The following ABCC4 variants were observed in gnomAD, a reference collection of about 807,000 sequenced individuals.
The protein encoded by ABCC4 is ATP-binding cassette sub-family C member 4.
Under a neutral mutation model 168.5 loss-of-function variants are expected in ABCC4, and 102 were observed. The ratio of observed to expected loss-of-function variants is 0.61; its 90% CI spans 0.52 to 0.71. ABCC4 has a LOEUF of 0.71. Among genes scored for constraint, ABCC4 ranks in the 30% least tolerant of loss-of-function variants. The probability of loss-of-function intolerance (pLI) is 0.00; values close to 1 mark genes in which losing one functional copy is unlikely to be tolerated. For synonymous variants in ABCC4, 617 were observed against 590.7 expected (o/e 1.04, Z -0.65); for missense variants, 1,402 against 1,605.8 (o/e 0.87, Z 2.17).
At chr13:95,078,429 A>G (rs117143429) in intron 21 of ABCC4, among the ~76,000 whole-genome samples, 1 of 22,636 alleles carries the variant, frequency 4.4e-5, no homozygotes, top group African/African-American at 7.1e-5. Context: ...ACAAAAACAA[A>G]AGCAAGAAAA....
intron 20 of ABCC4, among the ~76,000 whole-genome samples, chr13:95,092,187 A>G (rs1389686755): frequency 1.3e-5 from 2 of 152,190 alleles, no homozygotes; most frequent in Admixed American, 6.5e-5. Context: ...ATTAAGAAAT[A>G]AGAGAGACAG....
At chr13:95,163,685 T>C in intron 16 of ABCC4, 38 bp from the exon 17 acceptor site, 1 of 1,572,300 alleles carries the variant, frequency 6.4e-7, no homozygotes, top group Non-Finnish European at 8.7e-7. Context: ...AAATCAAACT[T>C]GGGCATGACT....
chr13:95,104,255 A>C (rs2034918715), intron 20 of ABCC4, among the ~76,000 whole-genome samples: 1 of 152,132 alleles, frequency 6.6e-6, no homozygotes, highest in South Asian at 2.1e-4. Context: ...CTGGGATTAC[A>C]GGTGTGCACC....
chr13:95,027,851 T>C (rs2031624509), intron 30 of ABCC4, among the ~76,000 whole-genome samples: 1 of 152,122 alleles, frequency 6.6e-6, no homozygotes, highest in African/African-American at 2.4e-5. Context: ...ATAATCTCAA[T>C]AAATGTAAAT....
At position 95,167,928 on chromosome 13, in the gene ABCC4, G is replaced by A. The variant is rs145270201; in HGVS notation, c.1825-1561C>T. Among the ~76,000 whole-genome samples the A allele has an allele frequency of 8.1e-4, 123 of 152,174 alleles. 4 individuals are homozygous for A. The East Asian group carries it at 0.022, about 27-fold the overall frequency. ...GTTGCCCAGGCTGGAGTGCAATGGC[G>A]CGATCTCGGCTCACTGCAACCTTCG... On this transcript the variant is annotated intron_variant, in intron 14 of 30. Coordinates refer to ENST00000645237, the MANE Select transcript of ABCC4 (RefSeq NM_005845.5).
At chr13:95,090,193 G>A (rs942677926) in intron 20 of ABCC4, among the ~76,000 whole-genome samples, 1 of 152,146 alleles carries the variant, frequency 6.6e-6, no homozygotes, top group African/African-American at 2.4e-5. Context: ...CACTGTGGTA[G>A]TGGAAGACAA....
intron 25 of ABCC4, among the ~76,000 whole-genome samples, chr13:95,064,244 G>A (rs913162017): frequency 1.4e-3 from 9 of 6,564 alleles, no homozygotes; most frequent in Admixed American, 4.1e-3. Flanking sequence ...AGGTACATCC[G>A]GGTGTGTGTG....
intron 8 of ABCC4, among the ~76,000 whole-genome samples, chr13:95,205,143 G>A (rs952904820): frequency 6.6e-6 from 1 of 152,196 alleles, no homozygotes; most frequent in African/African-American, 2.4e-5. Context: ...ATGGGGATAA[G>A]AAATGACCCT....
At chr13:95,219,426 G>C (rs1298693678) in intron 4 of ABCC4, among the ~76,000 whole-genome samples, 1 of 152,156 alleles carries the variant, frequency 6.6e-6, no homozygotes, top group East Asian at 1.9e-4. Flanking sequence ...CATGGTCTAG[G>C]GTTAGGTCAG....
chr13:95,297,116 T>C (rs1422295710), intron 1 of ABCC4, among the ~76,000 whole-genome samples: 1 of 151,240 alleles, frequency 6.6e-6, no homozygotes, highest in African/African-American at 2.4e-5. Flanking sequence ...ACTAAAAACA[T>C]GAAAATTAGC....
Position 95,257,709 on chromosome 13 carries a change from A to C in ABCC4, c.75-9956T>G, listed in dbSNP as rs146233454. On this transcript the variant is annotated intron_variant, in intron 1 of 30. Transcript: ENST00000645237. ...GAAAAAAAAAGAAAATCTGCACATA[A>C]GTGGACTCTTGCAGTTCAAACCCTT... 1.7e-3 allele frequency among the ~76,000 whole-genome samples: 264 copies of C among 152,206 alleles called. 1 individual carries two copies. Among genetic ancestry groups the C allele is most frequent in the African/African-American group, 6.1e-3 (252 of 41,550 alleles).
chr13:95,207,805 C>T lies in ABCC4; in HGVS notation c.906G>A (p.Leu302=), dbSNP rs533544221. The part of the protein sequence containing the change: ...EKSFSNLITN[L]RKKEISKILR... ...CAATGTATACAAAAACTTACTTTCT[C>T]AAATTGGTAATAAGATTTGAAAATG... Residue 302 remains leucine, a synonymous_variant, in exon 7 of 31, where the codon TTG becomes TTA. Transcript: ENST00000645237. The T allele has an allele frequency of 6.2e-7, 1 of 1,611,214 alleles. No individual in the cohort carries two copies. Among genetic ancestry groups the T allele is most frequent in the East Asian group, 2.2e-5 (1 of 44,858 alleles).
intron 1 of ABCC4, among the ~76,000 whole-genome samples, chr13:95,261,868 CA>C (rs1335542383): frequency 2.0e-5 from 3 of 151,464 alleles, no homozygotes; most frequent in Admixed American, 1.3e-4. Context: ...GAGGCTGAGG[CA>C]GGGGGATCTC....
In ABCC4 at chr13:95,045,572, G is replaced by A. The variant is rs555206749; in HGVS notation, c.3457-1134C>T. ...ATAACATCTTGCCCCAGACGACGGG[G>A]ATAGATGATGTTGATATTAATGTAT... is the stretch of plus-strand genomic sequence containing the variant. On this transcript the variant is annotated intron_variant, in intron 27 of 30. Transcript: ENST00000645237. Among the ~76,000 whole-genome samples, 4 of 152,276 alleles carry A rather than the reference G, an allele frequency of 2.6e-5. No individual in the cohort carries two copies. In the South Asian group the frequency reaches 8.3e-4, roughly 32 times the overall value.
chr13:95,171,061 C>G lies in ABCC4; in HGVS notation c.1728-433G>C, dbSNP rs1389026994. On this transcript the variant is annotated intron_variant, in intron 13 of 30. Coordinates refer to ENST00000645237, the MANE Select transcript of ABCC4 (RefSeq NM_005845.5). ...TGCACATATCAACGCCCCCCCTCCA[C>G]CCCCCGCAAAAAGGCTTAGATTCTT... 2.1e-5 allele frequency among the ~76,000 whole-genome samples: 3 copies of G among 146,112 alleles called. No homozygotes were observed. The East Asian group carries it at 6.0e-4, about 29-fold the overall frequency.
At chr13:95,162,958 G>A (rs775940890) in intron 18 of ABCC4, among the ~76,000 whole-genome samples, 164 bp downstream of exon 18, 2 of 152,154 alleles carry the variant, frequency 1.3e-5, no homozygotes, top group Non-Finnish European at 2.9e-5. Context: ...TCTTCTAGTA[G>A]ATTTTTAAAA....
intron 25 of ABCC4, among the ~76,000 whole-genome samples, chr13:95,067,164 A>C (rs946510442): frequency 6.6e-6 from 1 of 152,164 alleles, no homozygotes; most frequent in Non-Finnish European, 1.5e-5. Flanking sequence ...CGCTGTGCTG[A>C]GCTGGTATGA....
chr13:95,050,794 C>A (rs1284393097), intron 27 of ABCC4, among the ~76,000 whole-genome samples: 1 of 152,190 alleles, frequency 6.6e-6, no homozygotes, highest in Non-Finnish European at 1.5e-5. Context: ...GTATGAGTTA[C>A]AGTCAAGTTC....
chr13:95,232,129 T>G (rs1270214823), intron 4 of ABCC4, among the ~76,000 whole-genome samples: 1 of 139,622 alleles, frequency 7.2e-6, no homozygotes. Flanking sequence ...CTGATGATGA[T>G]GGTGGTGGTG....
Sources: allele counts gnomAD v4.1 joint callset (sites outside exome capture counted in the v4.1 genomes callset), GRCh38; gene constraint gnomAD v4.1.1; transcripts MANE v1.5; gene names NCBI Gene and HGNC (gene_info 2026-07-23, HGNC 2026-07-21).